Variants in ARHGAP39 observed in about 807,000 individuals in gnomAD.
The protein encoded by ARHGAP39 is rho GTPase-activating protein 39.
ARHGAP39 carries 44 observed loss-of-function variants against 106.9 expected under a neutral mutation model. The ratio of observed to expected loss-of-function variants is 0.41; its 90% confidence interval spans 0.32 to 0.53. ARHGAP39 has a LOEUF of 0.53. Among genes scored for constraint, ARHGAP39 ranks in the 20% least tolerant of loss-of-function variants. ARHGAP39 has a pLI of 0.21. For missense variants in ARHGAP39, 1,496 were observed against 1,577.3 expected, an observed-to-expected ratio of 0.95 and a Z score of 0.87; for synonymous variants, 768 against 693.2, an observed-to-expected ratio of 1.11 and a Z score of -1.69.
Position 144,545,285 on chromosome 8 carries a change from T to A in ARHGAP39, c.2485A>T (p.Ile829Phe). 6.4e-7 allele frequency: 1 copy of A among 1,565,388 alleles called. No individual in the cohort carries two copies. The highest frequency in any genetic ancestry group is 8.7e-7 in the Non-Finnish European group (1 of 1,150,472). Reference protein sequence around the residue: ...PKFHSYLEGYIYRHMDPVNDT... With the variant: ...PKFHSYLEGYFYRHMDPVNDT... ...TTGACGGGGTCCATGTGCCGGTAGA[T>A]GTAGCCTTCCAGGTAGGAGTGGAAC... The change falls in exon 6 of 12, where the codon ATC (isoleucine) becomes TTC (phenylalanine). Residue 829 changes from isoleucine to phenylalanine, a missense_variant. Around this residue, in one of 4 missense-constraint regions of ARHGAP39, gnomAD observed 470 missense variants for 605.1 expected, o/e 0.78. Coordinates refer to ENST00000377307, the MANE Select transcript of ARHGAP39 (RefSeq NM_025251.3).
At chr8:144,533,696 T>C (rs1418810234) in intron 8 of ARHGAP39, among the ~76,000 whole-genome samples, 1 of 152,078 alleles carries the variant, frequency 6.6e-6, no homozygotes, top group Non-Finnish European at 1.5e-5. Flanking sequence ...CCAGGGCTGT[T>C]GGGGAGCACA....
intron 1 of ARHGAP39, among the ~76,000 whole-genome samples, chr8:144,635,272 G>C (rs1821145743): frequency 6.6e-6 from 1 of 152,316 alleles, no homozygotes. Context: ...AGGCGAAAGA[G>C]GCTGAAGGTT....
At chr8:144,538,778 C>T (rs936047435) in intron 6 of ARHGAP39, among the ~76,000 whole-genome samples, 1 of 152,076 alleles carries the variant, frequency 6.6e-6, no homozygotes, top group South Asian at 2.1e-4. Context: ...ACCATGTTGG[C>T]CAGGCTGGTC....
At chr8:144,599,471 C>T (rs1250406072) in intron 2 of ARHGAP39, among the ~76,000 whole-genome samples, 2 of 152,180 alleles carry the variant, frequency 1.3e-5, no homozygotes, top group East Asian at 1.9e-4. Context: ...TCTGTTTATT[C>T]TTCACAATAG....
At chr8:144,557,592 C>T (rs1445302432) in intron 3 of ARHGAP39, among the ~76,000 whole-genome samples, 1 of 147,812 alleles carries the variant, frequency 6.8e-6, no homozygotes, top group African/African-American at 2.5e-5. Flanking sequence ...GCTGAACCTT[C>T]GTAGTATTCA....
chr8:144,553,386 C>T lies in ARHGAP39; in HGVS notation c.596+2174G>A, dbSNP rs549151188. On this transcript the variant is annotated intron_variant, in intron 4 of 11. Transcript: ENST00000377307. ...AGTCTACAAGTGCAACTCTGGCGAG[C>T]GTGAGTCCCACCTCCACGTATCATG... Among the ~76,000 whole-genome samples, 9 of 152,330 alleles carry T rather than the reference C, an allele frequency of 5.9e-5. No individual in the cohort carries two copies. In the South Asian group the frequency reaches 6.2e-4, roughly 11 times the overall value.
intron 1 of ARHGAP39, among the ~76,000 whole-genome samples, chr8:144,661,338 C>T (rs1158552081): frequency 5.9e-5 from 9 of 152,202 alleles, no homozygotes; most frequent in Non-Finnish European, 1.5e-5. Flanking sequence ...GCGTGACACT[C>T]CTGCAGAGGT....
At chr8:144,696,126 A>G in the ARHGAP39 span, among the ~76,000 whole-genome samples, 2 of 152,128 alleles carry the variant, frequency 1.3e-5, no homozygotes, top group African/African-American at 4.8e-5. Context: ...GCATGTCTTC[A>G]TACTTTTCTT....
chr8:144,678,698 C>T (rs577922469), intron 1 of ARHGAP39, among the ~76,000 whole-genome samples: 1 of 152,372 alleles, frequency 6.6e-6, no homozygotes, highest in East Asian at 1.9e-4. Flanking sequence ...ATTTCAACAG[C>T]ATCCCCAGCC....
chr8:144,549,594 G>A (rs1817620344), intron 4 of ARHGAP39, among the ~76,000 whole-genome samples: 1 of 152,116 alleles, frequency 6.6e-6, no homozygotes, highest in Non-Finnish European at 1.5e-5. Context: ...CCAAGTTCAA[G>A]CGATTCTCCT....
chr8:144,552,485 A>T (rs1006310513), intron 4 of ARHGAP39, among the ~76,000 whole-genome samples: 3 of 152,230 alleles, frequency 2.0e-5, no homozygotes, highest in Non-Finnish European at 4.4e-5. Context: ...CTCACACAGA[A>T]CAAGAAACCA....
At chr8:144,566,369 C>A (rs1283213976) in intron 3 of ARHGAP39, among the ~76,000 whole-genome samples, 1 of 152,000 alleles carries the variant, frequency 6.6e-6, no homozygotes, top group African/African-American at 2.4e-5. Context: ...TTTGAGACCA[C>A]CCTGGGCAAC....
intron 1 of ARHGAP39, among the ~76,000 whole-genome samples, chr8:144,648,185 C>A (rs979945898): frequency 6.6e-6 from 1 of 152,116 alleles, no homozygotes; most frequent in African/African-American, 2.4e-5. Context: ...TCCTCCAGGG[C>A]CCCAGCTGCT....
chr8:144,684,730 TGGGAAGCAACC>T lies in ARHGAP39; in HGVS notation c.-82+945_-82+955del, dbSNP rs943530689. ...CCTCCACCCACAGCACTCCAGCAAC[TGGGAAGCAACC>T]GGGAAGCAACCGAGGGAATTCCAGC... On this transcript the variant is annotated intron_variant, in intron 1 of 11. Transcript: ENST00000377307. This position sits in a 1 kb window ranked among gnomAD's most constrained non-coding sequence, Gnocchi z 4.4. 2.6e-5 allele frequency among the ~76,000 whole-genome samples: 4 copies of T among 151,950 alleles called. No individual in the cohort carries two copies. Among genetic ancestry groups the T allele is most frequent in the Non-Finnish European group, 5.9e-5 (4 of 67,952 alleles).
intron 7 of ARHGAP39, among the ~76,000 whole-genome samples, chr8:144,535,809 A>G (rs879500644): frequency 2.0e-5 from 3 of 152,180 alleles, no homozygotes; most frequent in Non-Finnish European, 4.4e-5. Context: ...GGTGATCATA[A>G]TGCAGTCTCT....
chr8:144,602,713 TGC>T, intron 2 of ARHGAP39, among the ~76,000 whole-genome samples: 1 of 134,384 alleles, frequency 7.4e-6, no homozygotes, highest in African/African-American at 2.9e-5. Flanking sequence ...TGGAGTTGTG[TGC>T]GCTCGTGTAC....
intron 1 of ARHGAP39, among the ~76,000 whole-genome samples, chr8:144,653,225 C>T (rs1020141776): frequency 7.2e-5 from 11 of 152,104 alleles, no homozygotes; most frequent in African/African-American, 9.7e-5. Context: ...CGCTTGAACC[C>T]GGGAAGTGGA....
chr8:144,533,876 G>A (rs570014566), intron 8 of ARHGAP39, among the ~76,000 whole-genome samples: 68 of 152,240 alleles, frequency 4.5e-4, no homozygotes, highest in African/African-American at 1.6e-3. Flanking sequence ...CCTGTGGTGC[G>A]GTGTGACTGA....
chr8:144,686,570 G>A (rs1263580439), upstream of ARHGAP39, among the ~76,000 whole-genome samples: 1 of 152,184 alleles, frequency 6.6e-6, no homozygotes, highest in Non-Finnish European at 1.5e-5. Flanking sequence ...GCCGCAAAGG[G>A]CTGAAAGGCC....
Sources: allele counts gnomAD v4.1 joint callset (sites outside exome capture counted in the v4.1 genomes callset), GRCh38; gene constraint gnomAD v4.1.1; regional missense constraint gnomAD v4.1.1; non-coding constraint Gnocchi (gnomAD v3.1); transcripts MANE v1.5; gene names NCBI Gene and HGNC (gene_info 2026-07-23, HGNC 2026-07-21).